The following CPLX2 variants were observed in gnomAD, a reference collection of about 807,000 sequenced individuals.
CPLX2 encodes the protein complexin-2.
In CPLX2, 5 loss-of-function variants were observed where a neutral mutation model predicts 16.3. That is an observed-to-expected ratio of 0.31 (90% confidence interval 0.16 to 0.64). The LOEUF is 0.64. CPLX2 is among the 30% of genes least tolerant of loss of function. The pLI is 0.79. For missense variants in CPLX2, 144 were observed against 181.4 expected, an observed-to-expected ratio of 0.79 and a Z score of 1.18; for synonymous variants, 89 against 73.2, an observed-to-expected ratio of 1.22 and a Z score of -1.10.
intron 1 of CPLX2, chr5:175,796,896 CT>C (rs892289907): frequency 1.3e-5 from 2 of 152,236 alleles, no homozygotes; most frequent in African/African-American, 2.4e-5. Flanking sequence ...CTAGAGGCGG[CT>C]TCCTCCGGCC....
intron 2 of CPLX2, among the ~76,000 whole-genome samples, chr5:175,854,606 T>C (rs1561784313): frequency 6.6e-6 from 1 of 152,198 alleles, no homozygotes. Flanking sequence ...TTATTATTAC[T>C]ACTGTTATTA....
At chr5:175,827,436 G>A (rs530589281) in intron 2 of CPLX2, among the ~76,000 whole-genome samples, 1 of 152,278 alleles carries the variant, frequency 6.6e-6, no homozygotes, top group East Asian at 1.9e-4. Flanking sequence ...TTCATACCCA[G>A]GCCTCTTCAA....
chr5:175,816,999 A>G (rs1758419841), intron 2 of CPLX2, among the ~76,000 whole-genome samples: 1 of 152,260 alleles, frequency 6.6e-6, no homozygotes, highest in African/African-American at 2.4e-5. Context: ...ATGGTGACCC[A>G]AGAGCGACTG....
At chr5:175,838,580 T>C (rs1758887236) in intron 2 of CPLX2, among the ~76,000 whole-genome samples, 2 of 152,156 alleles carry the variant, frequency 1.3e-5, no homozygotes, top group African/African-American at 4.8e-5. Context: ...TTCATCTTTA[T>C]ACTTCCCCAG....
chr5:175,871,464 A>AAAGAGAGAGAGAGAGAGG (rs1217962987), upstream of CPLX2: 155 of 93,320 alleles, frequency 1.7e-3, 5 homozygotes, highest in East Asian at 0.012. Flanking sequence ...AGAGAGAGAG[A>AAAGAGAGAGAGAGAGAGG]GAGAGAGAGA....
chr5:175,801,161 T>TAAAAA (rs3051187), intron 1 of CPLX2, among the ~76,000 whole-genome samples: 53,446 of 140,342 alleles, frequency 0.38, 11,376 homozygotes, highest in East Asian at 0.69. Context: ...AGAGGAGTGT[T>TAAAAA]AAAAAAAAAA....
intron 1 of CPLX2, among the ~76,000 whole-genome samples, chr5:175,798,571 T>C (rs1053905607): frequency 1.4e-4 from 22 of 152,158 alleles, no homozygotes; most frequent in Admixed American, 6.6e-4. Flanking sequence ...CCAAGAGATG[T>C]GAAGTCCCAG....
At chr5:175,844,804 G>T (rs1405468958) in intron 2 of CPLX2, among the ~76,000 whole-genome samples, 1 of 152,236 alleles carries the variant, frequency 6.6e-6, no homozygotes, top group African/African-American at 2.4e-5. Context: ...GGGGGAGGAA[G>T]GGACCAGATG....
chr5:175,865,701 G>A (rs1447405135), intron 2 of CPLX2, among the ~76,000 whole-genome samples: 2 of 152,156 alleles, frequency 1.3e-5, no homozygotes, highest in Non-Finnish European at 2.9e-5. Flanking sequence ...GAGGGTCCAG[G>A]ATCTTATGAT....
intron 2 of CPLX2, among the ~76,000 whole-genome samples, chr5:175,819,086 T>C (rs886563815): frequency 6.6e-6 from 1 of 152,210 alleles, no homozygotes; most frequent in Non-Finnish European, 1.5e-5. Context: ...TGGTTGTCAT[T>C]CATTCTCATT....
chr5:175,847,940 GT>G (rs1362176311), intron 2 of CPLX2, among the ~76,000 whole-genome samples: 3 of 152,212 alleles, frequency 2.0e-5, no homozygotes, highest in African/African-American at 7.2e-5. Context: ...GCTGTTCCAA[GT>G]CTCTCACCTA....
upstream of CPLX2, among the ~76,000 whole-genome samples, chr5:175,868,640 A>G (rs1034075954): frequency 2.0e-5 from 3 of 151,868 alleles, no homozygotes; most frequent in Non-Finnish European, 2.9e-5. Flanking sequence ...AGATGAAGGA[A>G]ATGCTGGCAA....
rs529129169 is a variant in CPLX2, at chr5:175,807,302, A to C, written c.-168-1687A>C. Among the ~76,000 whole-genome samples, 4 of 152,362 alleles carry C rather than the reference A, an allele frequency of 2.6e-5. No homozygotes were observed. The South Asian group carries it at 8.3e-4, about 32-fold the overall frequency. On this transcript the variant is annotated intron_variant, in intron 1 of 4. Coordinates refer to the CPLX2 transcript ENST00000359546. ...AACAAAAGTTTACTAAGCACATACT[A>C]TGTGCCAGATGACGCGCTAGCTGTT...
intron 2 of CPLX2, among the ~76,000 whole-genome samples, chr5:175,815,943 G>A (rs1758399041): frequency 6.6e-6 from 1 of 152,220 alleles, no homozygotes; most frequent in Non-Finnish European, 1.5e-5. Context: ...TGGCATTGAT[G>A]GAAGGGGCCT....
chr5:175,874,583 T>C (rs566108474), intron 1 of CPLX2, among the ~76,000 whole-genome samples: 18 of 152,196 alleles, frequency 1.2e-4, no homozygotes, highest in Non-Finnish European at 2.6e-4. Context: ...GTTGAGGTGA[T>C]TGGGACAAGG....
intron 1 of CPLX2, among the ~76,000 whole-genome samples, chr5:175,802,168 T>C (rs1758107453): frequency 6.6e-6 from 1 of 152,206 alleles, no homozygotes; most frequent in African/African-American, 2.4e-5. Flanking sequence ...ATCAGAAACC[T>C]TGAATCCTCT....
chr5:175,871,470 A>AGAGAGGGAGAGAGAGAGC (rs1759614504), upstream of CPLX2: 2 of 149,348 alleles, frequency 1.3e-5, no homozygotes, highest in Non-Finnish European at 3.0e-5. Context: ...AGAGAGAGAG[A>AGAGAGGGAGAGAGAGAGC]GAGAGAGAGA....
At chr5:175,879,113 GA>G (rs1373306398) in intron 3 of CPLX2, 30 bp downstream of exon 3, 3 of 1,546,732 alleles carry the variant, frequency 1.9e-6, no homozygotes, top group Non-Finnish European at 2.6e-6. Flanking sequence ...CCGTCCTGGG[GA>G]GGGCCACAAG....
At chr5:175,878,858 C>T in intron 2 of CPLX2, 50 bp from the exon 3 acceptor site, 1 of 1,608,456 alleles carries the variant, frequency 6.2e-7, no homozygotes. Flanking sequence ...CTCTCCCCAG[C>T]CCTGACCCCT....
Sources: allele counts gnomAD v4.1 joint callset (sites outside exome capture counted in the v4.1 genomes callset), GRCh38; gene constraint gnomAD v4.1.1; transcripts MANE v1.5; gene names NCBI Gene and HGNC (gene_info 2026-07-23, HGNC 2026-07-21).